The following TLE4 variants were observed in gnomAD, a reference collection of about 807,000 sequenced individuals.
The protein encoded by TLE4 is TLE family member 4, transcriptional corepressor.
A neutral mutation model predicts 92.8 loss-of-function variants in TLE4; 8 were observed. That is an observed-to-expected ratio of 0.09 (90% CI 0.05 to 0.16). TLE4 has a LOEUF of 0.16. Ranked by LOEUF, TLE4 falls within the 10% of genes least tolerant of loss-of-function variation. The pLI, the probability that TLE4 is intolerant of heterozygous loss-of-function variation, is 1.00. For synonymous variants in TLE4, 371 were observed against 374.1 expected (o/e 0.99, Z 0.10); for missense variants, 675 against 997.6 (o/e 0.68, Z 4.36).
At chr9:79,587,677 G>T (rs373075603) in intron 4 of TLE4, among the ~76,000 whole-genome samples, 1 of 152,176 alleles carries the variant, frequency 6.6e-6, no homozygotes, top group South Asian at 2.1e-4. Flanking sequence ...TCCTAATATT[G>T]CCAGTGTTTC....
At chr9:79,586,285 C>A (rs1175965197) in intron 4 of TLE4, among the ~76,000 whole-genome samples, 1 of 151,842 alleles carries the variant, frequency 6.6e-6, no homozygotes, top group Admixed American at 6.6e-5. Context: ...ATCACTTGAA[C>A]CAGGGAGTCA....
At chr9:79,693,579 T>C (rs905743600) in intron 8 of TLE4, 1 of 461,674 alleles carries the variant, frequency 2.2e-6, no homozygotes, top group Non-Finnish European at 4.2e-6. Flanking sequence ...AGCAGAGAGC[T>C]GTCCTGCGGT....
chr9:79,637,964 C>T (rs953088711), intron 6 of TLE4, among the ~76,000 whole-genome samples: 5 of 152,054 alleles, frequency 3.3e-5, no homozygotes, highest in African/African-American at 1.2e-4. Flanking sequence ...TAGGATTGTG[C>T]AAAATCCTGA....
chr9:79,573,912 G>T (rs2036804376), intron 2 of TLE4, 126 bp downstream of exon 2: 2 of 577,242 alleles, frequency 3.5e-6, no homozygotes, highest in African/African-American at 1.9e-5. Context: ...TTTTTTTCTC[G>T]GTGGGCAGAA....
At chr9:79,641,304 T>C (rs759378347) in intron 6 of TLE4, among the ~76,000 whole-genome samples, 3 of 152,022 alleles carry the variant, frequency 2.0e-5, no homozygotes, top group African/African-American at 7.3e-5. Context: ...CCAGGAGAAG[T>C]TATTTGCAAC....
intron 2 of TLE4, 115 bp from the exon 3 acceptor site, chr9:79,574,758 A>G (rs1176810992): frequency 2.5e-6 from 2 of 815,150 alleles, no homozygotes; most frequent in African/African-American, 3.4e-5. Flanking sequence ...TGATGGGGGT[A>G]TTTATTTAAG....
At chr9:79,693,663 A>G (rs756407454) in intron 8 of TLE4, 1 of 517,952 alleles carries the variant, frequency 1.9e-6, no homozygotes, top group South Asian at 1.4e-5. Flanking sequence ...CAAAAGTTGT[A>G]CCTCTGCTTT....
rs2058693568 is a variant in TLE4, at chr9:79,649,956, C to G, written c.391-2637C>G. 3.5e-6 allele frequency: 4 copies of G among 1,154,030 alleles called. No homozygotes were observed. The African/African-American group carries it at 6.5e-5, about 19-fold the overall frequency. The allele number at this position is 1,154,030 out of a possible 1,614,324, so 71.5% of individuals were successfully genotyped here. A position where few individuals can be genotyped will look rare whatever the true frequency, so the allele number is the denominator to read the frequency against. ...TTTGAGACAGGGTTTCACTCTGTCA[C>G]ACAGGCTGGGATGCAGTAGCACAAT... On this transcript the variant is annotated intron_variant, in intron 6 of 19. Coordinates refer to ENST00000376552, the MANE Select transcript of TLE4 (RefSeq NM_007005.6).
chr9:79,601,641 CTT>C, intron 4 of TLE4: 1 of 368,938 alleles, frequency 2.7e-6, no homozygotes, highest in South Asian at 2.0e-5. Context: ...AGACAGCAAA[CTT>C]AATTAATGTG....
At chr9:79,691,828 T>A (rs1403302540) in intron 8 of TLE4, among the ~76,000 whole-genome samples, 1 of 152,252 alleles carries the variant, frequency 6.6e-6, no homozygotes, top group Non-Finnish European at 1.5e-5. Context: ...CAGCATCTTA[T>A]GTTCTTTGTA....
intron 6 of TLE4, among the ~76,000 whole-genome samples, chr9:79,629,019 C>T (rs2053480470): frequency 6.6e-6 from 1 of 151,766 alleles, no homozygotes; most frequent in African/African-American, 2.4e-5. Flanking sequence ...AGGGATAGAA[C>T]CTACATTTCT....
At chr9:79,640,650 T>C (rs2056944931) in intron 6 of TLE4, among the ~76,000 whole-genome samples, 1 of 152,106 alleles carries the variant, frequency 6.6e-6, no homozygotes, top group South Asian at 2.1e-4. Context: ...TTTCTAGTTC[T>C]GTCTTCAAAG....
intron 8 of TLE4, among the ~76,000 whole-genome samples, chr9:79,683,043 GA>G (rs757614313): frequency 1.3e-5 from 2 of 152,154 alleles, no homozygotes; most frequent in African/African-American, 2.4e-5. Context: ...TTACATCTTT[GA>G]CAGGGCATAA....
chr9:79,667,247 A>G (rs1305494706), intron 8 of TLE4, among the ~76,000 whole-genome samples: 2 of 152,136 alleles, frequency 1.3e-5, no homozygotes, highest in Non-Finnish European at 2.9e-5. Flanking sequence ...TGTAGAGGCC[A>G]CGGACAAAGG....
At chr9:79,723,956 A>G (rs554506772) in intron 19 of TLE4, among the ~76,000 whole-genome samples, 6 of 152,358 alleles carry the variant, frequency 3.9e-5, no homozygotes, top group African/African-American at 9.6e-5. Context: ...TGTTTAAAGT[A>G]TTCAGAGTCC....
At chr9:79,611,199 T>C (rs1588048361) in intron 4 of TLE4, among the ~76,000 whole-genome samples, 3 of 152,178 alleles carry the variant, frequency 2.0e-5, no homozygotes, top group East Asian at 3.9e-4. Context: ...GTGATTCCCA[T>C]TGCAGCTCTT....
At chr9:79,609,901 A>AT (rs1275850958) in intron 4 of TLE4, among the ~76,000 whole-genome samples, 1 of 152,092 alleles carries the variant, frequency 6.6e-6, no homozygotes, top group Non-Finnish European at 1.5e-5. Flanking sequence ...TAGAGCCCTG[A>AT]TTAACCATGT....
intron 14 of TLE4, 104 bp downstream of exon 14, chr9:79,709,803 G>A: frequency 1.2e-6 from 1 of 863,908 alleles, no homozygotes; most frequent in Non-Finnish European, 1.8e-6. Context: ...GAGTTCCCAT[G>A]ACTTGTATTT....
intron 2 of TLE4, 21 bp from the exon 3 acceptor site, chr9:79,574,852 A>C: frequency 6.2e-7 from 1 of 1,605,170 alleles, no homozygotes; most frequent in South Asian, 1.1e-5. Context: ...TTGTACTTAG[A>C]GTATCTTATG....
Sources: allele counts gnomAD v4.1 joint callset (sites outside exome capture counted in the v4.1 genomes callset), GRCh38; gene constraint gnomAD v4.1.1; transcripts MANE v1.5; gene names NCBI Gene and HGNC (gene_info 2026-07-23, HGNC 2026-07-21).